The following RBBP9 variants were observed in gnomAD, a reference collection of about 807,000 sequenced individuals.
The protein encoded by RBBP9 is serine hydrolase RBBP9.
RBBP9 carries 20 observed loss-of-function variants against 24.2 expected under a neutral mutation model. That is an observed-to-expected ratio of 0.83 (90% CI 0.58 to 1.20). The LOEUF (loss-of-function observed/expected upper bound fraction) is 1.20. RBBP9 is among the 50% of genes most tolerant of loss of function. The pLI, the probability that RBBP9 is intolerant of heterozygous loss-of-function variation, is 0.00. For missense variants in RBBP9, 234 were observed against 233.6 expected, an observed-to-expected ratio of 1.00 and a Z score of -0.01; for synonymous variants, 74 against 84.6, an observed-to-expected ratio of 0.87 and a Z score of 0.69.
chr20:18,497,123 G>T lies in RBBP9; in HGVS notation c.45C>A (p.Gly15=), dbSNP rs1065444. The part of the protein sequence containing the change: ...SKAVIVPGNG[G]GDVTTHGWYG... ...ACCAGCCGTGGGTGGTCACATCCCC[G>T]CCTCCGTTCCCGGGAACAATCACTG... Residue 15 remains glycine, a synonymous_variant, in exon 1 of 5, where the codon GGC becomes GGA. Coordinates refer to ENST00000337227, the MANE Select transcript of RBBP9 (RefSeq NM_006606.3). 2.5e-6 allele frequency: 4 copies of T among 1,614,144 alleles called. No homozygotes were observed. Among genetic ancestry groups the T allele is most frequent in the Non-Finnish European group, 3.4e-6 (4 of 1,179,986 alleles).
At chr20:18,492,242 C>T (rs1267476195) in intron 3 of RBBP9, among the ~76,000 whole-genome samples, 1 of 151,942 alleles carries the variant, frequency 6.6e-6, no homozygotes, top group Non-Finnish European at 1.5e-5. Flanking sequence ...CACATTGATA[C>T]AGCAATATTA....
chr20:18,492,718 T>C (rs934328430), intron 3 of RBBP9, among the ~76,000 whole-genome samples: 4 of 152,256 alleles, frequency 2.6e-5, no homozygotes, highest in African/African-American at 9.6e-5. Context: ...CCCAATCGTT[T>C]TGGCATCCAT....
intron 3 of RBBP9, among the ~76,000 whole-genome samples, chr20:18,491,192 T>G (rs1047393660): frequency 2.0e-5 from 3 of 152,242 alleles, no homozygotes; most frequent in African/African-American, 7.2e-5. Flanking sequence ...CCCAGATGAC[T>G]CTAATGCAAG....
rs1600211003 is a variant in RBBP9 at position 18,487,769 on chromosome 20, T to G, written c.*1995A>C. The G allele has an allele frequency of 6.6e-6, 1 of 152,158 alleles. No homozygotes were observed. Among genetic ancestry groups the G allele is most frequent in the South Asian group, 2.1e-4 (1 of 4,832 alleles). 9.4% of individuals were successfully genotyped at this position (152,158 alleles called of 1,614,324 possible). Reference sequence around the variant, plus strand: ...GAGTTCGAGACCAGCCTGGCCAACATGGTGAAACCCTGTCTCTACTAAAAA... The same window carrying G: ...GAGTTCGAGACCAGCCTGGCCAACAGGGTGAAACCCTGTCTCTACTAAAAA... On this transcript the variant is annotated 3_prime_UTR_variant, in exon 5 of 5. Transcript: ENST00000337227.
At position 18,497,045 on chromosome 20, in the gene RBBP9, G is replaced by C. The variant is rs376495370; in HGVS notation, c.99+24C>G. ...GTCCCTCCCTCCAGGCTGACTTCAC[G>C]GAGCAGCGGCGTTGGGCGCTTACCT... is the stretch of plus-strand genomic sequence containing the variant. On this transcript the variant is annotated intron_variant, in intron 1 of 4. Transcript: ENST00000337227. 3.7e-6 allele frequency: 6 copies of C among 1,600,822 alleles called. No homozygotes were observed. In the African/African-American group the frequency reaches 6.7e-5, roughly 18 times the overall value.
intron 3 of RBBP9, 36 bp from the exon 4 acceptor site, chr20:18,490,516 T>G: frequency 6.8e-7 from 1 of 1,481,210 alleles, no homozygotes. Context: ...TAATATATAA[T>G]GTTACCTCTG....
intron 4 of RBBP9, 75 bp from the exon 5 acceptor site, chr20:18,490,065 C>T (rs991110744): frequency 1.5e-5 from 16 of 1,083,094 alleles, no homozygotes; most frequent in East Asian, 7.6e-5. Context: ...TACCTACTGG[C>T]GACCCACATA....
rs376202865 is a variant in RBBP9 at position 18,489,933 on chromosome 20, A to G, written c.392T>C (p.Val131Ala). The G allele has an allele frequency of 5.0e-6, 8 of 1,613,822 alleles. 1 individual carries two copies. The Admixed American group carries it at 1.2e-4, about 24-fold the overall frequency. Reference protein sequence around the residue: ...EKIKANCPYIVQFGSTDDPFL... With the variant: ...EKIKANCPYIAQFGSTDDPFL... ...CGGGTCGTCAGTAGAGCCAAACTGC[A>G]CAATGTAAGGGCAGTTGGCCTTGAT... Residue 131 changes from valine to alanine, a missense_variant, in exon 5 of 5, where the codon GTG becomes GCG. By Grantham distance (64) the Val-to-Ala change is moderately conservative. Transcript: ENST00000337227.
chr20:18,493,963 G>T lies in RBBP9; in HGVS notation c.243C>A (p.Ala81=). 1 of 1,606,128 alleles carries T rather than the reference G, an allele frequency of 6.2e-7. No individual in the cohort carries two copies. Among genetic ancestry groups the T allele is most frequent in the Non-Finnish European group, 8.5e-7 (1 of 1,177,230 alleles). ...CAGTTTAACAAAGATCGCACCTCAT[G>T]GCCGCGATGGCCCCAGAACTGTGGC... is the stretch of plus-strand genomic sequence containing the variant. ...IIGHSSGAIA[A]MRYAETHRVY... Residue 81 remains alanine (A), a synonymous_variant, in exon 3 of 5, where the codon GCC becomes GCA. Transcript: ENST00000337227.
At chr20:18,494,990 C>T (rs2059879915) in intron 2 of RBBP9, among the ~76,000 whole-genome samples, 1 of 152,186 alleles carries the variant, frequency 6.6e-6, no homozygotes, top group African/African-American at 2.4e-5. Context: ...TTTTCTATGG[C>T]TTACCCCATC....
intron 3 of RBBP9, among the ~76,000 whole-genome samples, chr20:18,491,640 C>G (rs887022304): frequency 2.6e-5 from 4 of 152,020 alleles, no homozygotes; most frequent in African/African-American, 9.7e-5. Context: ...TTGCAGAGAG[C>G]AGTCTCCCTC....
At position 18,490,455 on chromosome 20, in the gene RBBP9, C is replaced by A; in HGVS notation, c.274G>T (p.Ala92Ser). 6.2e-7 allele frequency: 1 copy of A among 1,613,436 alleles called. No individual in the cohort carries two copies. The highest frequency in any genetic ancestry group is 2.2e-5 in the East Asian group (1 of 44,858). ...GTGTACGCAGACACTAATACAATAG[C>A]ATATACTCGATGTGTTTCTGCATAC... Reference protein sequence around the residue: ...MRYAETHRVYAIVLVSAYTSD... With the variant: ...MRYAETHRVYSIVLVSAYTSD... Residue 92 changes from alanine (A) to serine (S), a missense_variant, in exon 4 of 5, where the codon GCT becomes TCT. Coordinates refer to ENST00000337227, the MANE Select transcript of RBBP9 (RefSeq NM_006606.3).
chr20:18,492,626 G>C (rs143336193), intron 3 of RBBP9, among the ~76,000 whole-genome samples: 1 of 152,128 alleles, frequency 6.6e-6, no homozygotes, highest in African/African-American at 2.4e-5. Flanking sequence ...CCATTGGAAA[G>C]GCACGATTTC....
chr20:18,495,556 T>A (rs1361743986), intron 2 of RBBP9, among the ~76,000 whole-genome samples: 1 of 137,304 alleles, frequency 7.3e-6, no homozygotes, highest in African/African-American at 2.8e-5. Flanking sequence ...CAAATCCCCC[T>A]CTGCGAGAAA....
intron 3 of RBBP9, 101 bp from the exon 4 acceptor site, chr20:18,490,581 A>T (rs1046467955): frequency 1.7e-4 from 133 of 787,270 alleles, no homozygotes; most frequent in Non-Finnish European, 2.7e-4. Flanking sequence ...GCCTACAGAA[A>T]GCACGTGCTA....
intron 2 of RBBP9, 127 bp downstream of exon 2, chr20:18,495,711 C>T (rs2059884157): frequency 3.8e-6 from 3 of 785,564 alleles, no homozygotes; most frequent in Non-Finnish European, 6.0e-6. Flanking sequence ...AGCTGCTTGC[C>T]TTATTCTTTC....
Position 18,488,565 on chromosome 20 carries a change from CA to C in RBBP9, c.*1198del, listed in dbSNP as rs11482977. The C allele has an allele frequency of 6.6e-6, 1 of 151,718 alleles. No individual in the cohort carries two copies. Among genetic ancestry groups the C allele is most frequent in the Non-Finnish European group, 1.5e-5 (1 of 67,950 alleles). The allele number at this position is 151,718 out of a possible 1,614,324, so 9.4% of individuals were successfully genotyped here. ...ACAGGCATGAGCCACCACACCCAGC[CA>C]AAAAAAGGTTTTCTGAGGAAGTATG... is the stretch of plus-strand genomic sequence containing the variant. On this transcript the variant is annotated 3_prime_UTR_variant, in exon 5 of 5. Transcript: ENST00000337227.
chr20:18,493,282 T>C (rs2059872251), intron 3 of RBBP9, among the ~76,000 whole-genome samples: 1 of 152,160 alleles, frequency 6.6e-6, no homozygotes, highest in Non-Finnish European at 1.5e-5. Context: ...TGAGTAACAC[T>C]GCAGACACAA....
intron 3 of RBBP9, 37 bp from the exon 4 acceptor site, chr20:18,490,517 G>T: frequency 6.8e-7 from 1 of 1,476,792 alleles, no homozygotes; most frequent in Non-Finnish European, 9.5e-7. Context: ...AATATATAAT[G>T]TTACCTCTGA....
Sources: gnomAD v4.1 joint callset for allele counts (sites outside exome capture counted in the v4.1 genomes callset) on GRCh38, gnomAD v4.1.1 for gene constraint, MANE v1.5 for transcripts, NCBI Gene and HGNC (gene_info 2026-07-23, HGNC 2026-07-21) for gene names.